Variants in SLC9A6 observed in about 807,000 individuals in gnomAD.
The protein encoded by SLC9A6 is solute carrier family 9 member A6.
In SLC9A6, 6 loss-of-function variants were observed where a neutral mutation model predicts 45.3. That is an observed-to-expected ratio of 0.13 (90% confidence interval 0.07 to 0.26). SLC9A6 has a LOEUF of 0.26. SLC9A6 is among the 10% of genes least tolerant of loss of function. The pLI is 1.00. For missense variants in SLC9A6, 278 were observed against 503.7 expected (o/e 0.55, Z 4.29); for synonymous variants, 191 against 187.7 (o/e 1.02, Z -0.14).
In SLC9A6 at chrX:136,046,408, A is replaced by G. The variant is rs1331038761; in HGVS notation, c.*1684A>G. On this transcript the variant is annotated 3_prime_UTR_variant, in exon 18 of 18. Transcript: ENST00000630721. The stretch of plus-strand genomic sequence containing the variant: ...CTGCTATGCAGGAATCCCTCCCATG[A>G]CGTGTATGTTTTACATGATGTGTGC... 1 of 112,540 alleles carries G rather than the reference A, an allele frequency of 8.9e-6. No individual in the cohort carries two copies. Among genetic ancestry groups the G allele is most frequent in the Non-Finnish European group, 1.9e-5 (1 of 53,287 alleles). The allele number at this position is 112,540 out of a possible 1,213,427, so 9.3% of individuals were successfully genotyped here.
At chrX:135,996,527 AG>A (rs782474417) in intron 3 of SLC9A6, among the ~76,000 whole-genome samples, 2 of 111,428 alleles carry the variant, frequency 1.8e-5, no homozygotes, top group Admixed American at 1.9e-4. Context: ...TATGAACAGA[AG>A]GGGGTATTTA....
chrX:136,018,494 T>C, intron 11 of SLC9A6, among the ~76,000 whole-genome samples: 1 of 112,080 alleles, frequency 8.9e-6, no homozygotes, highest in East Asian at 2.8e-4. Context: ...CATAGTGTTA[T>C]TACATGACTG....
At chrX:136,019,047 G>A (rs1214336749) in intron 11 of SLC9A6, among the ~76,000 whole-genome samples, 1 of 111,425 alleles carries the variant, frequency 9.0e-6, no homozygotes, top group Non-Finnish European at 1.9e-5. Flanking sequence ...AATATTCTCT[G>A]TAGGTTTCTG....
At chrX:136,042,709 A>G (rs1556622846) in intron 17 of SLC9A6, among the ~76,000 whole-genome samples, 2 of 111,626 alleles carry the variant, frequency 1.8e-5, no homozygotes, top group African/African-American at 3.3e-5. Flanking sequence ...ATTGTTTTAC[A>G]CAAATGGGAT....
chrX:136,020,065 T>C (rs1262432173), intron 11 of SLC9A6, among the ~76,000 whole-genome samples: 1 of 112,324 alleles, frequency 8.9e-6, no homozygotes, highest in African/African-American at 3.2e-5. Context: ...GCCATTCTCA[T>C]CACATTATAT....
At chrX:135,975,981 C>CAAAAAAAA (rs782541566) in intron 1 of SLC9A6, among the ~76,000 whole-genome samples, 12 of 62,419 alleles carry the variant, frequency 1.9e-4, no homozygotes, top group Non-Finnish European at 2.2e-4. Flanking sequence ...TTTCTCTAAC[C>CAAAAAAAA]AAAAAAAAAA....
At chrX:135,988,133 G>A (rs1335964830) in intron 2 of SLC9A6, among the ~76,000 whole-genome samples, 2 of 111,822 alleles carry the variant, frequency 1.8e-5, no homozygotes, top group Non-Finnish European at 3.8e-5. Flanking sequence ...TAGGACTGAA[G>A]TAGAAAAGGA....
upstream of SLC9A6, chrX:135,985,343 G>A: frequency 3.0e-6 from 1 of 328,797 alleles, no homozygotes; most frequent in Non-Finnish European, 5.1e-6. Context: ...AAGGAACCTG[G>A]CAGAGCGAGC....
intron 7 of SLC9A6, 21 bp from the exon 8 acceptor site, chrX:136,010,421 A>C: frequency 1.7e-6 from 2 of 1,209,159 alleles, no homozygotes; most frequent in South Asian, 3.5e-5. Flanking sequence ...TTCAGAAGTA[A>C]AAGCAGTCTC....
intron 17 of SLC9A6, among the ~76,000 whole-genome samples, chrX:136,043,936 C>T (rs1239351374): frequency 9.0e-6 from 1 of 111,709 alleles, no homozygotes; most frequent in South Asian, 3.8e-4. Flanking sequence ...ACATGTGAAT[C>T]GGTCTGCTCC....
At chrX:136,038,419 T>C (rs1163070008) in intron 16 of SLC9A6, among the ~76,000 whole-genome samples, 1 of 112,361 alleles carries the variant, frequency 8.9e-6, no homozygotes, top group Non-Finnish European at 1.9e-5. Flanking sequence ...TTATCCTTTG[T>C]GTATATCTCT....
At position 136,026,149 on chromosome X, in the gene SLC9A6, TG is replaced by T. The variant is rs1244366331; in HGVS notation, c.1460+1668del. Among the ~76,000 whole-genome samples, 3 of 112,032 alleles carry T rather than the reference TG, an allele frequency of 2.7e-5. No homozygotes were observed. The Admixed American group carries it at 2.8e-4, about 11-fold the overall frequency. ...ACTTCTTATTGCCTTCTTGTTTTATTGGCATTATTCTTGGCCTCTTCGTGAA... is the reference window on the plus strand; with the variant it reads ...ACTTCTTATTGCCTTCTTGTTTTATTGCATTATTCTTGGCCTCTTCGTGAA... On this transcript the variant is annotated intron_variant, in intron 13 of 17. Transcript: ENST00000630721.
intron 5 of SLC9A6, 123 bp downstream of exon 5, chrX:135,998,681 T>A: frequency 3.1e-6 from 2 of 650,695 alleles, no homozygotes; most frequent in Non-Finnish European, 4.9e-6. Flanking sequence ...AATATTCACG[T>A]AGGTAATAAG....
At chrX:136,000,873 G>A (rs569247828) in intron 6 of SLC9A6, among the ~76,000 whole-genome samples, 4 of 111,126 alleles carry the variant, frequency 3.6e-5, no homozygotes, top group African/African-American at 1.3e-4. Flanking sequence ...TAATCCCAGT[G>A]ACTCAGGAGG....
In SLC9A6 at chrX:136,040,171, A is replaced by G. The variant is rs1556622376; in HGVS notation, c.1757A>G (p.Gln586Arg). Residue 586 changes from glutamine to arginine, a missense_variant, in exon 17 of 18, where the codon CAG becomes CGG. Gln to Arg is a conservative substitution (Grantham distance 43). Coordinates refer to ENST00000630721, the MANE Select transcript of SLC9A6 (RefSeq NM_001379110.1). ...ATCGCCAGGTGCCTCACCAGCCCCC[A>G]GGCTTACGAAGTAAGTTGGTTTTAT... ...GPIARCLTSPQAYENQEQLKD... is the reference protein window; with the variant it reads ...GPIARCLTSPRAYENQEQLKD... 8.3e-7 allele frequency: 1 copy of G among 1,201,928 alleles called. No homozygotes were observed. The highest frequency in any genetic ancestry group is 2.2e-5 in the Admixed American group (1 of 45,856).
At chrX:135,993,649 G>C (rs1424730920) in intron 2 of SLC9A6, among the ~76,000 whole-genome samples, 1 of 110,751 alleles carries the variant, frequency 9.0e-6, no homozygotes, top group Non-Finnish European at 1.9e-5. Context: ...AAATTAGCCA[G>C]GTGTGTTGGT....
chrX:136,023,655 T>C (rs1556620205), intron 12 of SLC9A6, among the ~76,000 whole-genome samples: 1 of 109,629 alleles, frequency 9.1e-6, no homozygotes. Context: ...TGACAAGAGG[T>C]TAGACTAAAA....
intron 7 of SLC9A6, chrX:136,010,225 C>A: frequency 1.7e-5 from 2 of 117,623 alleles, no homozygotes; most frequent in Admixed American, 1.2e-4. Context: ...CAATGTTCTA[C>A]CCCCCCCCCG....
At chrX:135,980,651 G>C (rs1028954872), upstream of SLC9A6, among the ~76,000 whole-genome samples, 3 of 110,796 alleles carry the variant, frequency 2.7e-5, no homozygotes, top group Non-Finnish European at 5.7e-5. Context: ...CGAACTTCTG[G>C]GCTCAAGCAA....
Sources: allele counts gnomAD v4.1 joint callset (sites outside exome capture counted in the v4.1 genomes callset), GRCh38; gene constraint gnomAD v4.1.1; transcripts MANE v1.5; gene names NCBI Gene and HGNC (gene_info 2026-07-23, HGNC 2026-07-21).